The following TRPM1 variants were observed in gnomAD, a reference collection of about 807,000 sequenced individuals.
The protein encoded by TRPM1 is transient receptor potential cation channel subfamily M member 1.
A neutral mutation model predicts 149.4 loss-of-function variants in TRPM1; 113 were observed. That is an observed-to-expected ratio of 0.76 (90% CI 0.65 to 0.88). The LOEUF (loss-of-function observed/expected upper bound fraction) is 0.88. Among genes scored for constraint, TRPM1 ranks in the 40% least tolerant of loss-of-function variants. TRPM1 has a pLI of 0.00. For missense variants in TRPM1, 1,976 were observed against 2,038.7 expected, an observed-to-expected ratio of 0.97 and a Z score of 0.59; for synonymous variants, 741 against 759.5, an observed-to-expected ratio of 0.98 and a Z score of 0.40.
chr15:31,021,536 A>T (rs146085808), intron 27 of TRPM1, among the ~76,000 whole-genome samples: 13 of 152,068 alleles, frequency 8.5e-5, no homozygotes, highest in African/African-American at 3.1e-4. Flanking sequence ...TATCTACAAA[A>T]TATGCAAAAA....
At chr15:31,032,204 G>A (rs61997151) in intron 22 of TRPM1, among the ~76,000 whole-genome samples, 4,411 of 152,026 alleles carry the variant, frequency 0.029, 109 homozygotes, top group Non-Finnish European at 0.046. Context: ...TATGTCCTGG[G>A]AAAGTGAAGT....
chr15:31,152,488 C>T (rs185216843), intron 1 of TRPM1, among the ~76,000 whole-genome samples: 3 of 152,358 alleles, frequency 2.0e-5, no homozygotes, highest in Admixed American at 6.5e-5. Context: ...CACCCCCAAC[C>T]ATCTGAATGG....
intron 1 of TRPM1, among the ~76,000 whole-genome samples, chr15:31,085,004 T>G (rs183130509): frequency 1.3e-5 from 2 of 152,252 alleles, no homozygotes; most frequent in African/African-American, 4.8e-5. Context: ...TTTTTCTTTT[T>G]AAAGTGAATA....
intron 27 of TRPM1, among the ~76,000 whole-genome samples, chr15:31,008,554 G>T (rs1013999557): frequency 3.3e-5 from 5 of 152,060 alleles, no homozygotes; most frequent in African/African-American, 1.2e-4. Context: ...CCTGATCGTG[G>T]CTAGACTCAA....
At position 31,069,828 on chromosome 15, in the gene TRPM1, G is replaced by A. The variant is rs760854387; in HGVS notation, c.279+203C>T. ...GGTATGGATTTACGGGACACTAGAT[G>A]TTCTTTACAGTGGTGTCCAGTTTCC... On this transcript the variant is annotated intron_variant, in intron 4 of 27. Transcript: ENST00000256552. 7 of 1,522,404 alleles carry A rather than the reference G, an allele frequency of 4.6e-6. No individual in the cohort carries two copies. The Admixed American group carries it at 6.3e-5, about 14-fold the overall frequency. 94.3% of individuals were successfully genotyped at this position (1,522,404 alleles called of 1,614,324 possible). A position where few individuals can be genotyped will look rare whatever the true frequency, so the allele number is the denominator to read the frequency against.
chr15:31,124,283 T>TATAA lies in TRPM1; in HGVS notation c.54+36619_54+36622dup, dbSNP rs199961402. Reference sequence around the variant, plus strand: ...AGGGATGACAGAGTGAGACTCCGTCTATAAATAAATAAATAAATAAATAAG... The same window carrying TATAA: ...AGGGATGACAGAGTGAGACTCCGTCTATAAATAAATAAATAAATAAATAAATAAG... On this transcript the variant is annotated intron_variant, in intron 1 of 26. Transcript: ENST00000542188. Among the ~76,000 whole-genome samples, 309 of 151,556 alleles carry TATAA rather than the reference T, an allele frequency of 2.0e-3. 1 individual carries two copies. Among genetic ancestry groups the TATAA allele is most frequent in the East Asian group, 0.011 (58 of 5,130 alleles).
intron 25 of TRPM1, among the ~76,000 whole-genome samples, chr15:31,027,765 T>C (rs1318226703): frequency 1.3e-5 from 2 of 152,228 alleles, no homozygotes; most frequent in Admixed American, 1.3e-4. Flanking sequence ...TTTCCCTCTA[T>C]ATTTTTCATC....
intron 1 of TRPM1, among the ~76,000 whole-genome samples, chr15:31,153,205 T>C (rs1277702179): frequency 6.6e-6 from 1 of 152,232 alleles, no homozygotes; most frequent in African/African-American, 2.4e-5. Flanking sequence ...CCTTTTTATG[T>C]CTGATAAGAA....
chr15:31,091,770 T>C (rs924028736), intron 1 of TRPM1, among the ~76,000 whole-genome samples: 2 of 152,172 alleles, frequency 1.3e-5, no homozygotes, highest in African/African-American at 4.8e-5. Flanking sequence ...CATATATTTA[T>C]AGATGAACGT....
At position 31,026,909 on chromosome 15, in the gene TRPM1, A is replaced by G. The variant is rs769382982; in HGVS notation, c.3496+6T>C. ...CCAACTTAGAAATGAAGAGCCCTGC[A>G]CATACTCAATCCACGATCCCGTTCC... On this transcript the variant is annotated splice_donor_region_variant and intron_variant, in intron 26 of 27. Coordinates refer to ENST00000256552, the MANE Select transcript of TRPM1 (RefSeq NM_001252024.2). 49 of 1,613,244 alleles carry G rather than the reference A, an allele frequency of 3.0e-5. 1 individual carries two copies. The South Asian group carries it at 5.3e-4, about 17-fold the overall frequency.
At chr15:31,025,857 C>A (rs577406703) in intron 27 of TRPM1, among the ~76,000 whole-genome samples, 1 of 152,222 alleles carries the variant, frequency 6.6e-6, no homozygotes, top group Non-Finnish European at 1.5e-5. Context: ...ATTAACCTTG[C>A]GGAAACACCC....
Position 31,101,682 on chromosome 15 carries a change from G to A in TRPM1, c.-109C>T. 4 of 985,938 alleles carry A rather than the reference G, an allele frequency of 4.1e-6. No homozygotes were observed. Among genetic ancestry groups the A allele is most frequent in the Non-Finnish European group, 4.8e-6 (4 of 830,304 alleles). 61.1% of individuals were successfully genotyped at this position (985,938 alleles called of 1,614,324 possible). A position where few individuals can be genotyped will look rare whatever the true frequency, so the allele number is the denominator to read the frequency against. On this transcript the variant is annotated 5_prime_UTR_variant, in exon 1 of 28. Transcript: ENST00000256552. ...CTGCCACAGCAGTGGAATGGAGAGG[G>A]CACAGCTCAGGCTCTTTCAGCCTCC...
chr15:31,105,002 T>C (rs2035584312), upstream of TRPM1, among the ~76,000 whole-genome samples: 1 of 152,210 alleles, frequency 6.6e-6, no homozygotes, highest in South Asian at 2.1e-4. Context: ...GAGGCACAGC[T>C]TGCAGAGGAA....
intron 27 of TRPM1, among the ~76,000 whole-genome samples, chr15:31,014,075 A>G (rs2032276811): frequency 6.6e-6 from 1 of 152,172 alleles, no homozygotes; most frequent in Non-Finnish European, 1.5e-5. Flanking sequence ...CTTCCTGAGT[A>G]TACACACAGC....
chr15:31,067,811 C>G, intron 5 of TRPM1, 68 bp downstream of exon 5: 1 of 1,488,926 alleles, frequency 6.7e-7, no homozygotes. Context: ...TATTAGGAAG[C>G]TCTTTGGGGA....
chr15:31,049,600 G>C (rs754752570), intron 12 of TRPM1, 91 bp from the exon 13 acceptor site: 1 of 1,475,712 alleles, frequency 6.8e-7, no homozygotes, highest in Non-Finnish European at 9.4e-7. Flanking sequence ...AGGGTATTCC[G>C]AACGCCAGAT....
intron 3 of TRPM1, among the ~76,000 whole-genome samples, chr15:31,073,131 T>C (rs1213481985): frequency 6.6e-6 from 1 of 152,184 alleles, no homozygotes; most frequent in Non-Finnish European, 1.5e-5. Flanking sequence ...AAGAGTTTTA[T>C]AGTTTTAGCT....
chr15:31,089,136 G>A (rs1224922196), intron 1 of TRPM1, among the ~76,000 whole-genome samples: 1 of 152,218 alleles, frequency 6.6e-6, no homozygotes, highest in African/African-American at 2.4e-5. Flanking sequence ...TGTGGAAACT[G>A]AAGACAGGCT....
intron 21 of TRPM1, among the ~76,000 whole-genome samples, chr15:31,034,007 A>C (rs2033225179): frequency 6.6e-6 from 1 of 152,166 alleles, no homozygotes; most frequent in South Asian, 2.1e-4. Context: ...AATGTTTTTC[A>C]GTTCAGTGAA....
Sources: gnomAD v4.1 joint callset for allele counts (sites outside exome capture counted in the v4.1 genomes callset) on GRCh38, gnomAD v4.1.1 for gene constraint, MANE v1.5 for transcripts, NCBI Gene and HGNC (gene_info 2026-07-23, HGNC 2026-07-21) for gene names.